The following MPP4 variants were observed in gnomAD, a reference collection of about 807,000 sequenced individuals.
MPP4 encodes the protein MAGUK p55 scaffold protein 4.
Under a neutral mutation model 98.3 loss-of-function variants are expected in MPP4, and 91 were observed. The ratio of observed to expected loss-of-function variants is 0.93; its 90% CI spans 0.78 to 1.10. The LOEUF (loss-of-function observed/expected upper bound fraction) is 1.10, where lower values mean the gene tolerates loss of function less well. Ranked by LOEUF, MPP4 falls within the 50% of genes least tolerant of loss-of-function variation. MPP4 has a pLI of 0.00. For missense variants in MPP4, 744 were observed against 792.9 expected, an observed-to-expected ratio of 0.94 and a Z score of 0.74; for synonymous variants, 261 against 271.8, an observed-to-expected ratio of 0.96 and a Z score of 0.39.
chr2:201,692,943 G>A lies in MPP4; in HGVS notation c.166C>T (p.Leu56Phe), dbSNP rs1689081072. 6.2e-7 allele frequency: 1 copy of A among 1,611,686 alleles called. No individual in the cohort carries two copies. The highest frequency in any genetic ancestry group is 8.5e-7 in the Non-Finnish European group (1 of 1,179,004). ...GCCTGAAGCCACGGCGAGTGGAGGA[G>A]ATCGTACAAGAGACACACTCCATTC... ...DVNGVCLLYD[L>F]LHSPWLQALL... Residue 56 changes from leucine to phenylalanine, a missense_variant, in exon 3 of 22, where the codon CTC becomes TTC. By Grantham distance (22) the Leu-to-Phe change is conservative. Coordinates refer to ENST00000409474, the MANE Select transcript of MPP4 (RefSeq NM_033066.3).
At chr2:201,659,235 C>G (rs1290805194) in intron 15 of MPP4, among the ~76,000 whole-genome samples, 1 of 151,772 alleles carries the variant, frequency 6.6e-6, no homozygotes, top group South Asian at 2.1e-4. Flanking sequence ...TCTGCAAGTC[C>G]TGTAATTAAT....
rs752937570 is a variant in MPP4, at chr2:201,664,119, G to A, written c.1052-18C>T. The A allele has an allele frequency of 6.5e-7, 1 of 1,531,900 alleles. No individual in the cohort carries two copies. The highest frequency in any genetic ancestry group is 8.8e-7 in the Non-Finnish European group (1 of 1,133,318). The allele number at this position is 1,531,900 out of a possible 1,614,324, so 94.9% of individuals were successfully genotyped here. ...TTCTTCATCTATGATTTTTCATGGAGGCAAAAATCAAAAATGTTATTACAT... is the reference window on the plus strand; with the variant it reads ...TTCTTCATCTATGATTTTTCATGGAAGCAAAAATCAAAAATGTTATTACAT... On this transcript the variant is annotated intron_variant, in intron 13 of 21. Transcript: ENST00000409474.
At chr2:201,653,641 T>C (rs1687779094) in intron 18 of MPP4, among the ~76,000 whole-genome samples, 1 of 152,346 alleles carries the variant, frequency 6.6e-6, no homozygotes, top group Non-Finnish European at 1.5e-5. Context: ...TATTATGAAC[T>C]TTCTATTTTG....
chr2:201,645,146 A>G lies in MPP4; in HGVS notation c.*64T>C, dbSNP rs570547822. 3.1e-5 allele frequency: 43 copies of G among 1,373,822 alleles called. No individual in the cohort carries two copies. The East Asian group carries it at 9.5e-4, about 30-fold the overall frequency. The allele number at this position is 1,373,822 out of a possible 1,614,324, so 85.1% of individuals were successfully genotyped here. ...AATGGGTCAAATACTGTTGTTTTAGATTGCAACTATGGATCGCTGTATCAA... is the reference window on the plus strand; with the variant it reads ...AATGGGTCAAATACTGTTGTTTTAGGTTGCAACTATGGATCGCTGTATCAA... On this transcript the variant is annotated 3_prime_UTR_variant, in exon 22 of 22. Coordinates refer to ENST00000409474, the MANE Select transcript of MPP4 (RefSeq NM_033066.3).
chr2:201,661,605 A>G (rs1031350679), intron 14 of MPP4: 1 of 455,912 alleles, frequency 2.2e-6, no homozygotes, highest in Admixed American at 2.3e-5. Flanking sequence ...CCCAAGGAAC[A>G]AGATTTCACA....
intron 3 of MPP4, among the ~76,000 whole-genome samples, chr2:201,691,667 G>A (rs919624133): frequency 3.3e-5 from 5 of 152,222 alleles, no homozygotes; most frequent in Non-Finnish European, 7.4e-5. Flanking sequence ...ACAGGTGCGT[G>A]CCACTGCATA....
chr2:201,696,581 C>T (rs532610518), intron 1 of MPP4, among the ~76,000 whole-genome samples: 11 of 152,256 alleles, frequency 7.2e-5, no homozygotes, highest in South Asian at 6.2e-4. Flanking sequence ...TATTTAATGC[C>T]CGAATGACTG....
At chr2:201,675,137 CTT>C in intron 11 of MPP4, 68 bp downstream of exon 11, 1 of 1,487,050 alleles carries the variant, frequency 6.7e-7, no homozygotes. Context: ...CAATTAGACT[CTT>C]TATTTACTGC....
intron 1 of MPP4, among the ~76,000 whole-genome samples, chr2:201,694,648 C>T (rs1401019565): frequency 1.8e-5 from 2 of 112,734 alleles, no homozygotes; most frequent in Non-Finnish European, 3.4e-5. Context: ...CAGGGTCTCA[C>T]TCTGTTGCTT....
chr2:201,692,748 T>C (rs1559020128), intron 3 of MPP4, among the ~76,000 whole-genome samples, 160 bp downstream of exon 3: 2 of 152,170 alleles, frequency 1.3e-5, no homozygotes, highest in Admixed American at 6.5e-5. Flanking sequence ...TGCTGCCGAC[T>C]GGATTTTGGA....
chr2:201,651,187 A>C (rs111743697), intron 18 of MPP4: 3 of 985,488 alleles, frequency 3.0e-6, no homozygotes, highest in African/African-American at 1.7e-5. Context: ...GATGATATCA[A>C]TACATGGAAA....
chr2:201,648,988 C>T lies in MPP4; in HGVS notation c.1584+588G>A, dbSNP rs561256082. ...CTGAGGCACGAGAATTGCTTGAACCCGGGAAGCGGAGGTTGCAGTGAGCGG... is the reference window on the plus strand; with the variant it reads ...CTGAGGCACGAGAATTGCTTGAACCTGGGAAGCGGAGGTTGCAGTGAGCGG... On this transcript the variant is annotated intron_variant, in intron 20 of 21. Transcript: ENST00000409474. Among the ~76,000 whole-genome samples the T allele has an allele frequency of 1.4e-4, 22 of 152,174 alleles. No homozygotes were observed. In the East Asian group the frequency reaches 1.5e-3, roughly 11 times the overall value.
At chr2:201,657,605 T>TG (rs1687890982) in intron 16 of MPP4, among the ~76,000 whole-genome samples, 1 of 125,158 alleles carries the variant, frequency 8.0e-6, no homozygotes, top group Admixed American at 8.0e-5. Flanking sequence ...TTTTTTGTTT[T>TG]TTTGTTTTTT....
intron 21 of MPP4, chr2:201,646,620 C>T (rs1176808932): frequency 6.6e-6 from 1 of 152,146 alleles, no homozygotes; most frequent in Non-Finnish European, 1.5e-5. Flanking sequence ...ATGGACTCCA[C>T]TGTTCACAAG....
rs781486496 is a variant in MPP4 at position 201,685,037 on chromosome 2, C to T, written c.574+27G>A. The T allele has an allele frequency of 3.8e-6, 6 of 1,595,552 alleles. No homozygotes were observed. The Admixed American group carries it at 8.5e-5, about 23-fold the overall frequency. On this transcript the variant is annotated intron_variant, in intron 7 of 21. Transcript: ENST00000409474. ...CAAGGGTTTCCTGTTTTTCTGGTAA[C>T]TCTCAATCCCAGCTGCTCCAGCTTA...
chr2:201,662,956 C>T (rs1445501099), intron 14 of MPP4, among the ~76,000 whole-genome samples: 2 of 152,084 alleles, frequency 1.3e-5, no homozygotes, highest in African/African-American at 4.8e-5. Flanking sequence ...TTTTGAGGGA[C>T]AGACACTTGA....
chr2:201,654,991 A>G, intron 17 of MPP4, 74 bp from the exon 18 acceptor site: 1 of 986,174 alleles, frequency 1.0e-6, no homozygotes. Flanking sequence ...TTATCATTTT[A>G]GTCCTTCTAC....
At chr2:201,647,197 T>C (rs899613366) in intron 21 of MPP4, among the ~76,000 whole-genome samples, 5 of 152,182 alleles carry the variant, frequency 3.3e-5, no homozygotes, top group African/African-American at 1.2e-4. Flanking sequence ...ATTATTACCA[T>C]CATCATTTTA....
intron 4 of MPP4, 41 bp from the exon 5 acceptor site, chr2:201,687,412 A>C (rs1372785222): frequency 6.7e-7 from 1 of 1,482,518 alleles, no homozygotes; most frequent in Admixed American, 2.0e-5. Context: ...ATTTTAAAAA[A>C]TCTTTATCAC....
Sources: gnomAD v4.1 joint callset for allele counts (sites outside exome capture counted in the v4.1 genomes callset) on GRCh38, gnomAD v4.1.1 for gene constraint, MANE v1.5 for transcripts, NCBI Gene and HGNC (gene_info 2026-07-23, HGNC 2026-07-21) for gene names.